DOCK1: variants seen among roughly 807,000 people sequenced by gnomAD.
DOCK1 encodes the protein dedicator of cytokinesis protein 1.
A neutral mutation model predicts 262.7 loss-of-function variants in DOCK1; 138 were observed. The ratio of observed to expected loss-of-function variants is 0.53; its 90% CI spans 0.46 to 0.61. The LOEUF (loss-of-function observed/expected upper bound fraction) is 0.61. Ranked by LOEUF, DOCK1 falls within the 20% of genes least tolerant of loss-of-function variation. The pLI, the probability that DOCK1 is intolerant of heterozygous loss-of-function variation, is 0.00. For missense variants in DOCK1, 1,908 were observed against 2,370.7 expected (o/e 0.80, Z 4.05); for synonymous variants, 866 against 867.4 (o/e 1.00, Z 0.03).
intron 38 of DOCK1, among the ~76,000 whole-genome samples, chr10:127,390,509 C>A (rs893354713): frequency 1.3e-5 from 2 of 152,154 alleles, no homozygotes; most frequent in East Asian, 3.9e-4. Flanking sequence ...GGGCCCTAAT[C>A]GAATCTGACT....
intron 28 of DOCK1, among the ~76,000 whole-genome samples, chr10:127,250,295 G>A (rs949428943): frequency 1.3e-5 from 2 of 152,180 alleles, no homozygotes; most frequent in Non-Finnish European, 2.9e-5. Context: ...ATCCTTCAAG[G>A]TAAGTGAAAA....
chr10:127,365,268 C>T (rs2064841707), intron 33 of DOCK1, among the ~76,000 whole-genome samples: 1 of 152,162 alleles, frequency 6.6e-6, no homozygotes, highest in Non-Finnish European at 1.5e-5. Flanking sequence ...AAAATTTTCC[C>T]AGTATACATT....
intron 29 of DOCK1, among the ~76,000 whole-genome samples, chr10:127,325,197 G>A (rs1486967267): frequency 6.6e-6 from 1 of 152,154 alleles, no homozygotes; most frequent in Non-Finnish European, 1.5e-5. Flanking sequence ...TTCTGCTTTT[G>A]ATCAAGATAA....
chr10:127,384,461 C>T (rs2065993137), intron 37 of DOCK1, among the ~76,000 whole-genome samples: 1 of 152,236 alleles, frequency 6.6e-6, no homozygotes, highest in Admixed American at 6.5e-5. Flanking sequence ...TGGGGTGCCG[C>T]TCTTGGGATG....
At chr10:127,145,584 C>G (rs1290845339) in intron 27 of DOCK1, among the ~76,000 whole-genome samples, 1 of 152,180 alleles carries the variant, frequency 6.6e-6, no homozygotes, top group Non-Finnish European at 1.5e-5. Context: ...CCAACCCAAC[C>G]CTGAGTGGGA....
At chr10:127,375,313 G>T (rs1234963041) in intron 35 of DOCK1, among the ~76,000 whole-genome samples, 2 of 152,222 alleles carry the variant, frequency 1.3e-5, no homozygotes, top group African/African-American at 2.4e-5. Context: ...CCATAGTAGG[G>T]CTTTCCTCAA....
At chr10:127,357,774 A>G (rs1048181852) in intron 32 of DOCK1, among the ~76,000 whole-genome samples, 1 of 152,114 alleles carries the variant, frequency 6.6e-6, no homozygotes, top group African/African-American at 2.4e-5. Context: ...CTGGTAAAAT[A>G]AGTTATCTTT....
intron 22 of DOCK1, among the ~76,000 whole-genome samples, chr10:127,055,470 A>G (rs904729193): frequency 2.0e-5 from 3 of 152,206 alleles, no homozygotes; most frequent in African/African-American, 7.2e-5. Context: ...GAACCATGTC[A>G]CATGACCACC....
At chr10:127,158,416 T>C (rs2053284624) in intron 27 of DOCK1, among the ~76,000 whole-genome samples, 1 of 152,190 alleles carries the variant, frequency 6.6e-6, no homozygotes, top group East Asian at 1.9e-4. Flanking sequence ...AACATTTGGA[T>C]CACAAATTAT....
chr10:127,350,262 C>T (rs1292610733), intron 31 of DOCK1, among the ~76,000 whole-genome samples: 8 of 101,098 alleles, frequency 7.9e-5, no homozygotes, highest in Non-Finnish European at 1.7e-4. Flanking sequence ...GCAGCGGGGA[C>T]GCTTTAAAAA....
chr10:127,131,517 C>T (rs1465103869), intron 27 of DOCK1, among the ~76,000 whole-genome samples: 1 of 152,154 alleles, frequency 6.6e-6, no homozygotes. Flanking sequence ...ACTGAAAATT[C>T]GAGTTGTTTA....
At chr10:126,994,029 T>C (rs1208998852) in intron 6 of DOCK1, among the ~76,000 whole-genome samples, 3 of 152,222 alleles carry the variant, frequency 2.0e-5, no homozygotes, top group African/African-American at 7.2e-5. Flanking sequence ...TGACTCTGTT[T>C]CCTTTTTCAT....
chr10:127,193,231 A>G (rs2056874622), intron 27 of DOCK1, among the ~76,000 whole-genome samples: 1 of 152,160 alleles, frequency 6.6e-6, no homozygotes, highest in Non-Finnish European at 1.5e-5. Context: ...TTTATGAAAG[A>G]CTGTTGAAAA....
intron 29 of DOCK1, among the ~76,000 whole-genome samples, chr10:127,303,406 A>G (rs11017201): frequency 0.13 from 19,509 of 152,184 alleles, 1,652 homozygotes; most frequent in African/African-American, 0.24. Flanking sequence ...CCTAGTTGAG[A>G]AGAGAGCTCA....
chr10:127,096,828 C>T (rs943572941), intron 23 of DOCK1, among the ~76,000 whole-genome samples: 20 of 151,966 alleles, frequency 1.3e-4, no homozygotes, highest in Admixed American at 4.6e-4. Flanking sequence ...ATTTCTGGGC[C>T]GGGCATGGTG....
At chr10:127,157,352 C>G (rs1195991307) in intron 27 of DOCK1, among the ~76,000 whole-genome samples, 1 of 152,196 alleles carries the variant, frequency 6.6e-6, no homozygotes, top group Non-Finnish European at 1.5e-5. Flanking sequence ...GGAATAGATG[C>G]AGCAGGTGAG....
chr10:127,374,319 C>T, intron 35 of DOCK1, 105 bp downstream of exon 35: 7 of 1,361,240 alleles, frequency 5.1e-6, no homozygotes, highest in Non-Finnish European at 6.8e-6. Context: ...CGAAGCTTTC[C>T]ACCGCAGAAC....
At chr10:127,292,495 C>T (rs998064070) in intron 29 of DOCK1, among the ~76,000 whole-genome samples, 12 of 152,090 alleles carry the variant, frequency 7.9e-5, no homozygotes, top group South Asian at 2.1e-4. Context: ...TGTTTGTCAC[C>T]GGAGCTTCAG....
chr10:127,012,875 C>T lies in DOCK1; in HGVS notation c.1201+501C>T, dbSNP rs1330310622. Reference sequence around the variant, plus strand: ...CTGGCAGAAGGAATGAATCAGTCACCTCGGGCTGGTGACAGTTGGCACTTG... The same window carrying T: ...CTGGCAGAAGGAATGAATCAGTCACTTCGGGCTGGTGACAGTTGGCACTTG... On this transcript the variant is annotated intron_variant, in intron 12 of 51. Coordinates refer to ENST00000623213, the MANE Select transcript of DOCK1 (RefSeq NM_001290223.2). The surrounding 1 kb of genome is among the most constrained non-coding windows in gnomAD (Gnocchi z 4.0). Among the ~76,000 whole-genome samples, 1 of 152,180 alleles carries T rather than the reference C, an allele frequency of 6.6e-6. No individual in the cohort carries two copies. The highest frequency in any genetic ancestry group is 1.9e-4 in the East Asian group (1 of 5,184).
Sources: gnomAD v4.1 joint callset for allele counts (sites outside exome capture counted in the v4.1 genomes callset) on GRCh38, gnomAD v4.1.1 for gene constraint, Gnocchi (gnomAD v3.1) non-coding constraint, MANE v1.5 for transcripts, NCBI Gene and HGNC (gene_info 2026-07-23, HGNC 2026-07-21) for gene names.